RPS6KA2: variants seen among roughly 807,000 people sequenced by gnomAD.
The protein encoded by RPS6KA2 is ribosomal protein S6 kinase A2.
In RPS6KA2, 42 loss-of-function variants were observed where a neutral mutation model predicts 91.8. That is an observed-to-expected ratio of 0.46 (90% CI 0.36 to 0.59). The LOEUF is 0.59. Among genes scored for constraint, RPS6KA2 ranks in the 20% least tolerant of loss-of-function variants. RPS6KA2 has a pLI of 0.00. For synonymous variants in RPS6KA2, 414 were observed against 393.6 expected (o/e 1.05, Z -0.61); for missense variants, 798 against 978.5 (o/e 0.82, Z 2.46).
At chr6:166,475,350 CT>C (rs1780932534) in intron 10 of RPS6KA2, among the ~76,000 whole-genome samples, 1 of 152,228 alleles carries the variant, frequency 6.6e-6, no homozygotes, top group Non-Finnish European at 1.5e-5. Context: ...GGCCCGGCCC[CT>C]GGCTGCTCTG....
intron 1 of RPS6KA2, among the ~76,000 whole-genome samples, chr6:166,580,085 T>C (rs915776661): frequency 2.0e-5 from 3 of 152,244 alleles, no homozygotes; most frequent in Non-Finnish European, 4.4e-5. Flanking sequence ...CCCATCACAG[T>C]GGGCTTTGGG....
chr6:166,564,091 T>C (rs1200207807), intron 1 of RPS6KA2, among the ~76,000 whole-genome samples: 2 of 152,238 alleles, frequency 1.3e-5, no homozygotes, highest in South Asian at 2.1e-4. Context: ...GGCTCTGTGT[T>C]TCCTCAGGAA....
intron 2 of RPS6KA2, among the ~76,000 whole-genome samples, chr6:166,800,129 G>A (rs751441551): frequency 6.6e-6 from 1 of 152,164 alleles, no homozygotes; most frequent in South Asian, 2.1e-4. Context: ...GTTTCAATTA[G>A]GCCAACTCCT....
intron 1 of RPS6KA2, among the ~76,000 whole-genome samples, chr6:166,611,486 G>A (rs1355419547): frequency 1.3e-5 from 2 of 152,176 alleles, no homozygotes; most frequent in Admixed American, 6.5e-5. Context: ...CTAGGCAAAA[G>A]GTATATAACA....
chr6:166,771,198 C>A (rs528838565), intron 2 of RPS6KA2, among the ~76,000 whole-genome samples: 1 of 152,116 alleles, frequency 6.6e-6, no homozygotes, highest in African/African-American at 2.4e-5. Context: ...CAAAGCTCAA[C>A]GGAAAGAAAG....
rs775186181 is a variant in RPS6KA2 at position 166,434,612 on chromosome 6, G to A, written c.1333-2122C>T. On this transcript the variant is annotated intron_variant, in intron 14 of 20. Coordinates refer to ENST00000265678, the MANE Select transcript of RPS6KA2 (RefSeq NM_021135.6). The surrounding 1 kb of genome is among the most constrained non-coding windows in gnomAD (Gnocchi z 4.4). ...GGATCCTGTCTTTGCAATTAGAGAA[G>A]GTTAAAATACATTTATAAATTTATA... Among the ~76,000 whole-genome samples the A allele has an allele frequency of 6.6e-6, 1 of 152,194 alleles. No homozygotes were observed. Among genetic ancestry groups the A allele is most frequent in the Middle Eastern group, 3.4e-3 (1 of 294 alleles).
rs565964222 is a variant in RPS6KA2 at position 166,468,553 on chromosome 6, G to A, written c.972+1288C>T. ...TCTTAATGAAATGCGTGGAGGCCCC[G>A]GACTCCATGAGGACATAAAGAAGAC... is the stretch of plus-strand genomic sequence containing the variant. On this transcript the variant is annotated intron_variant, in intron 11 of 20. Coordinates refer to ENST00000265678, the MANE Select transcript of RPS6KA2 (RefSeq NM_021135.6). Among the ~76,000 whole-genome samples, 367 of 152,138 alleles carry A rather than the reference G, an allele frequency of 2.4e-3. 3 individuals are homozygous for A. The highest frequency in any genetic ancestry group is 8.5e-3 in the African/African-American group (354 of 41,502).
intron 2 of RPS6KA2, chr6:166,701,650 G>C: frequency 7.8e-7 from 1 of 1,281,354 alleles, no homozygotes; most frequent in South Asian, 1.2e-5. Flanking sequence ...GGAGGGAGGA[G>C]TCATGGCTGA....
At position 166,517,468 on chromosome 6, in the gene RPS6KA2, T is replaced by TG. The variant is rs1392524735; in HGVS notation, c.299-7112_299-7111insC. Among the ~76,000 whole-genome samples the TG allele has an allele frequency of 9.1e-4, 54 of 59,066 alleles. 4 individuals are homozygous for TG. The East Asian group carries it at 0.046, about 50-fold the overall frequency. 38.7% of individuals were successfully genotyped at this position (59,066 alleles called of 152,430 possible). A position where few individuals can be genotyped will look rare whatever the true frequency, so the allele number is the denominator to read the frequency against. On this transcript the variant is annotated intron_variant, in intron 3 of 20. Transcript: ENST00000265678. ...TTCTTTTGTTTTGTTTTTTTTTTTT[T>TG]TTTTTTTTTTTTTTTTTTGAGACGG...
intron 2 of RPS6KA2, among the ~76,000 whole-genome samples, chr6:166,681,833 C>T (rs1009954377): frequency 1.3e-5 from 2 of 151,936 alleles, no homozygotes; most frequent in African/African-American, 4.8e-5. Context: ...ATGTTAATGC[C>T]ACCAACTTTT....
rs2128543393 is a variant in RPS6KA2 at position 166,626,527 on chromosome 6, G to A, written c.99+394C>T. On this transcript the variant is annotated intron_variant, in intron 1 of 20. Transcript: ENST00000265678. The surrounding 1 kb of genome is among the most constrained non-coding windows in gnomAD (Gnocchi z 4.1). ...TCAGCGCCTCGGAGGGCGGAGCTGGGGGGCTTCTCCACTCGGGACTTTGAG... is the reference window on the plus strand; with the variant it reads ...TCAGCGCCTCGGAGGGCGGAGCTGGAGGGCTTCTCCACTCGGGACTTTGAG... Among the ~76,000 whole-genome samples, 1 of 152,274 alleles carries A rather than the reference G, an allele frequency of 6.6e-6. No individual in the cohort carries two copies. Among genetic ancestry groups the A allele is most frequent in the South Asian group, 2.1e-4 (1 of 4,828 alleles).
Position 166,433,200 on chromosome 6 carries a change from A to C in RPS6KA2, c.1333-710T>G, listed in dbSNP as rs1246583320. 6.6e-6 allele frequency among the ~76,000 whole-genome samples: 1 copy of C among 152,066 alleles called. No homozygotes were observed. Among genetic ancestry groups the C allele is most frequent in the Admixed American group, 6.6e-5 (1 of 15,262 alleles). The stretch of plus-strand genomic sequence containing the variant: ...TCCGGGAATTACAAACCAGCCACAA[A>C]ATGAGGTGAGGCGCATGGCTCTCAC... On this transcript the variant is annotated intron_variant, in intron 14 of 20. Coordinates refer to ENST00000265678, the MANE Select transcript of RPS6KA2 (RefSeq NM_021135.6). This position sits in a 1 kb window ranked among gnomAD's most constrained non-coding sequence, Gnocchi z 4.4.
intron 10 of RPS6KA2, among the ~76,000 whole-genome samples, chr6:166,479,379 G>A (rs748336612): frequency 2.0e-5 from 3 of 152,266 alleles, no homozygotes. Context: ...GGGGACAGGC[G>A]GTGGCCCCAG....
upstream of RPS6KA2, among the ~76,000 whole-genome samples, chr6:166,630,310 T>G (rs185178459): frequency 7.2e-5 from 11 of 152,224 alleles, no homozygotes; most frequent in Non-Finnish European, 1.5e-4. Context: ...GAGCTTCTAA[T>G]TAGTCAAGTA....
At chr6:166,444,722 C>T (rs1016786587) in intron 14 of RPS6KA2, among the ~76,000 whole-genome samples, 5 of 152,156 alleles carry the variant, frequency 3.3e-5, no homozygotes, top group African/African-American at 4.8e-5. Context: ...TTGCCGAAGT[C>T]GAGAGGGAGG....
At chr6:166,586,160 A>C in intron 1 of RPS6KA2, 2 of 1,560,062 alleles carry the variant, frequency 1.3e-6, no homozygotes, top group Non-Finnish European at 1.7e-6. Flanking sequence ...TGTAACCATA[A>C]TGTCCATATT....
At position 166,617,804 on chromosome 6, in the gene RPS6KA2, G is replaced by A. The variant is rs145528213; in HGVS notation, c.99+9117C>T. 4.0e-3 allele frequency among the ~76,000 whole-genome samples: 608 copies of A among 152,344 alleles called. 1 individual carries two copies. The highest frequency in any genetic ancestry group is 0.011 in the Admixed American group (163 of 15,310). ...TGGCCACGCATGGCTCGGGGGCAAC[G>A]GTCCCGCAACAGCCACAGCTGTCTG... On this transcript the variant is annotated intron_variant, in intron 1 of 20. Coordinates refer to ENST00000265678, the MANE Select transcript of RPS6KA2 (RefSeq NM_021135.6).
At chr6:166,751,007 T>G (rs1367961683) in intron 2 of RPS6KA2, among the ~76,000 whole-genome samples, 1 of 152,182 alleles carries the variant, frequency 6.6e-6, no homozygotes, top group African/African-American at 2.4e-5. Context: ...GTGTGAAGTG[T>G]GCTTTTGTGA....
At chr6:166,598,046 A>G (rs1338673281) in intron 1 of RPS6KA2, among the ~76,000 whole-genome samples, 1 of 152,224 alleles carries the variant, frequency 6.6e-6, no homozygotes, top group Non-Finnish European at 1.5e-5. Flanking sequence ...ACACCTGCAA[A>G]TTGCACAGAG....
Sources: gnomAD v4.1 joint callset for allele counts (sites outside exome capture counted in the v4.1 genomes callset) on GRCh38, gnomAD v4.1.1 for gene constraint, Gnocchi (gnomAD v3.1) non-coding constraint, MANE v1.5 for transcripts, NCBI Gene and HGNC (gene_info 2026-07-23, HGNC 2026-07-21) for gene names.